OGA: variants seen among roughly 807,000 people sequenced by gnomAD.
OGA encodes protein O-GlcNAcase.
In OGA, 21 loss-of-function variants were observed where a neutral mutation model predicts 102.0. That is an observed-to-expected ratio of 0.21 (90% CI 0.15 to 0.30). OGA has a LOEUF of 0.30. Among genes scored for constraint, OGA ranks in the 10% least tolerant of loss-of-function variants. The pLI is 1.00. For missense variants in OGA, 765 were observed against 1,107.8 expected (o/e 0.69, Z 4.39); for synonymous variants, 408 against 378.2 (o/e 1.08, Z -0.91).
chr10:101,786,558 G>C lies in OGA; in HGVS notation c.2644C>G (p.Pro882Ala). 2 of 1,608,180 alleles carry C rather than the reference G, an allele frequency of 1.2e-6. No individual in the cohort carries two copies. Among genetic ancestry groups the C allele is most frequent in the Non-Finnish European group, 1.7e-6 (2 of 1,177,734 alleles). ...GSRGAFCEVR[P>A]DDKRILEFYS... Reference sequence around the variant, plus strand: ...AATTCCAGAATTCTTTTATCATCTGGTCTCACTTCACAGAAAGCTCCCCGG... The same window carrying C: ...AATTCCAGAATTCTTTTATCATCTGCTCTCACTTCACAGAAAGCTCCCCGG... Residue 882 changes from proline (P) to alanine (A), a missense_variant, in exon 16 of 16, where the codon CCA (proline) becomes GCA (alanine). Physicochemically the swap from Pro to Ala is conservative, Grantham distance 27. This residue lies in a region of OGA where 146 missense variants were observed against 269.7 expected (regional missense o/e 0.54). Coordinates refer to ENST00000361464, the MANE Select transcript of OGA (RefSeq NM_012215.5).
At chr10:101,802,669 CA>C (rs949328878) in intron 7 of OGA, among the ~76,000 whole-genome samples, 2 of 145,784 alleles carry the variant, frequency 1.4e-5, no homozygotes, top group African/African-American at 5.0e-5. Flanking sequence ...GACTCCATCT[CA>C]AAAAGAAAAA....
chr10:101,803,085 G>C (rs1169740020), intron 7 of OGA, among the ~76,000 whole-genome samples: 2 of 148,482 alleles, frequency 1.3e-5, no homozygotes. Flanking sequence ...AGGTTGCAGC[G>C]AGCTGAGATT....
Position 101,807,736 on chromosome 10 carries a change from G to T in OGA, c.646C>A (p.Pro216Thr). Residue 216 changes from proline to threonine, a missense_variant, in exon 5 of 16, where the codon CCC (proline) becomes ACC (threonine). This residue lies in a region of OGA where 165 missense variants were observed against 249.7 expected (regional missense o/e 0.66). Coordinates refer to ENST00000361464, the MANE Select transcript of OGA (RefSeq NM_012215.5). ...LGEPETFLFC[P>T]TEYCGTFCYP... ...AAGCCATTATATACAATACCTGTGG[G>T]ACAGAAGAGGAAAGTTTCTGGCTCT... is the stretch of plus-strand genomic sequence containing the variant. 6.3e-7 allele frequency: 1 copy of T among 1,593,390 alleles called. No homozygotes were observed. The highest frequency in any genetic ancestry group is 8.5e-7 in the Non-Finnish European group (1 of 1,171,574).
chr10:101,788,362 C>T (rs963024064), intron 14 of OGA, among the ~76,000 whole-genome samples: 2 of 151,150 alleles, frequency 1.3e-5, no homozygotes, highest in Non-Finnish European at 2.9e-5. Flanking sequence ...TTGCTTGAAC[C>T]CGGGAGGCAG....
At chr10:101,815,347 C>T (rs1393404030) in intron 1 of OGA, among the ~76,000 whole-genome samples, 1 of 151,962 alleles carries the variant, frequency 6.6e-6, no homozygotes, top group African/African-American at 2.4e-5. Context: ...GGCACTATCT[C>T]GGCTCAATGC....
rs1047426230 is a variant in OGA at position 101,818,075 on chromosome 10, G to T, written c.-53C>A. The T allele has an allele frequency of 1.3e-6, 2 of 1,484,586 alleles. No individual in the cohort carries two copies. 92.0% of individuals were successfully genotyped at this position (1,484,586 alleles called of 1,614,324 possible). The stretch of plus-strand genomic sequence containing the variant: ...TGCGGGTCCTCCTCGACCTCTGTCC[G>T]TTGGGGCACCGGCCCGGAGCCCTGG... On this transcript the variant is annotated 5_prime_UTR_variant, in exon 1 of 16. Transcript: ENST00000361464.
At chr10:101,797,316 C>T (rs1444400423) in intron 10 of OGA, 1 of 151,466 alleles carries the variant, frequency 6.6e-6, no homozygotes, top group Non-Finnish European at 1.5e-5. Context: ...CATGCTGGTG[C>T]TTTTTACCAA....
chr10:101,818,047 C>G lies in OGA; in HGVS notation c.-25G>C. Reference sequence around the variant, plus strand: ...TCCTCCTGCCCCCGGCCGCTGCCACCTCTGCGGGTCCTCCTCGACCTCTGT... The same window carrying G: ...TCCTCCTGCCCCCGGCCGCTGCCACGTCTGCGGGTCCTCCTCGACCTCTGT... On this transcript the variant is annotated 5_prime_UTR_variant, in exon 1 of 16. Transcript: ENST00000361464. 1 of 1,544,028 alleles carries G rather than the reference C, an allele frequency of 6.5e-7. No individual in the cohort carries two copies. Among genetic ancestry groups the G allele is most frequent in the South Asian group, 1.2e-5 (1 of 81,934 alleles).
Position 101,818,275 on chromosome 10 carries a change from G to T in OGA, c.-253C>A. Reference sequence around the variant, plus strand: ...AGCTGGGGCGCCAGAAGCCTAAGCGGAGAGCGAGGCTGTGACCTCTCGTTC... The same window carrying T: ...AGCTGGGGCGCCAGAAGCCTAAGCGTAGAGCGAGGCTGTGACCTCTCGTTC... On this transcript the variant is annotated 5_prime_UTR_variant, in exon 1 of 16. Coordinates refer to ENST00000361464, the MANE Select transcript of OGA (RefSeq NM_012215.5). 7.8e-7 allele frequency: 1 copy of T among 1,288,940 alleles called. No homozygotes were observed. The allele number at this position is 1,288,940 out of a possible 1,614,324, so 79.8% of individuals were successfully genotyped here.
intron 3 of OGA, among the ~76,000 whole-genome samples, chr10:101,811,568 T>C (rs527802571): frequency 2.0e-5 from 3 of 151,978 alleles, no homozygotes; most frequent in Non-Finnish European, 4.4e-5. Context: ...CTGGGTGTGG[T>C]GACCCGCGCT....
At chr10:101,793,460 A>C (rs1303467844) in intron 11 of OGA, among the ~76,000 whole-genome samples, 1 of 152,238 alleles carries the variant, frequency 6.6e-6, no homozygotes, top group African/African-American at 2.4e-5. Context: ...GCAGCAAAAA[A>C]ACTTCCTATT....
rs770367115 is a variant in OGA, at chr10:101,807,909, A to G, written c.481-8T>C. 4.3e-5 allele frequency: 10 copies of G among 234,636 alleles called. No individual in the cohort carries two copies. Among genetic ancestry groups the G allele is most frequent in the East Asian group, 1.5e-4 (1 of 6,640 alleles). The allele number at this position is 234,636 out of a possible 1,614,324, so 14.5% of individuals were successfully genotyped here. On this transcript the variant is annotated splice_region_variant and splice_polypyrimidine_tract_variant and intron_variant, in intron 4 of 15. Coordinates refer to ENST00000361464, the MANE Select transcript of OGA (RefSeq NM_012215.5). Reference sequence around the variant, plus strand: ...GCACCCAAACTGAGAAACCTAGGAGAAAAAAAAAAAAAAGAATCAAGAGTA... The same window carrying G: ...GCACCCAAACTGAGAAACCTAGGAGGAAAAAAAAAAAAAGAATCAAGAGTA...
chr10:101,798,696 G>T, intron 9 of OGA, 146 bp downstream of exon 9: 1 of 1,051,120 alleles, frequency 9.5e-7, no homozygotes, highest in Non-Finnish European at 1.3e-6. Context: ...CTACAGGCAT[G>T]AGCCATCATA....
chr10:101,818,187 T>C lies in OGA; in HGVS notation c.-165A>G. 3 of 1,353,742 alleles carry C rather than the reference T, an allele frequency of 2.2e-6. No homozygotes were observed. The highest frequency in any genetic ancestry group is 3.0e-5 in the East Asian group (1 of 33,254). The allele number at this position is 1,353,742 out of a possible 1,614,324, so 83.9% of individuals were successfully genotyped here. ...CCCTCCCTCTCCGCAGGGACCCGAA[T>C]GCCCGGATGAGAAGGGCGGCGGCAC... is the stretch of plus-strand genomic sequence containing the variant. On this transcript the variant is annotated 5_prime_UTR_variant, in exon 1 of 16. Coordinates refer to ENST00000361464, the MANE Select transcript of OGA (RefSeq NM_012215.5).
chr10:101,805,965 G>T, intron 6 of OGA, 80 bp downstream of exon 6: 1 of 937,594 alleles, frequency 1.1e-6, no homozygotes, highest in Non-Finnish European at 1.7e-6. Flanking sequence ...AAAAAAAAAA[G>T]TATTCAATTA....
intron 8 of OGA, 76 bp from the exon 9 acceptor site, chr10:101,799,531 A>G (rs1030593536): frequency 7.2e-7 from 1 of 1,398,310 alleles, no homozygotes; most frequent in Non-Finnish European, 9.7e-7. Flanking sequence ...CATTAGATTC[A>G]GAAAGATGCT....
chr10:101,789,403 CAGG>C (rs1339139221), intron 14 of OGA, among the ~76,000 whole-genome samples: 2 of 152,126 alleles, frequency 1.3e-5, no homozygotes, highest in South Asian at 2.1e-4. Flanking sequence ...GAGGCTGAAG[CAGG>C]AGAACTGCTT....
chr10:101,796,623 T>C (rs1010749963), intron 10 of OGA, among the ~76,000 whole-genome samples: 3 of 151,946 alleles, frequency 2.0e-5, no homozygotes, highest in Non-Finnish European at 4.4e-5. Context: ...CAGGCTGGAG[T>C]GCAATGGTGT....
chr10:101,798,213 C>T, intron 9 of OGA, 59 bp from the exon 10 acceptor site: 1 of 1,511,428 alleles, frequency 6.6e-7, no homozygotes, highest in Admixed American at 1.8e-5. Flanking sequence ...TAATCTGAGA[C>T]ACAGTTACAC....
Sources: gnomAD v4.1 joint callset for allele counts (sites outside exome capture counted in the v4.1 genomes callset) on GRCh38, gnomAD v4.1.1 for gene constraint, gnomAD v4.1.1 regional missense constraint, MANE v1.5 for transcripts, NCBI Gene and HGNC (gene_info 2026-07-23, HGNC 2026-07-21) for gene names.